Variants in F7 observed in about 807,000 individuals in gnomAD.
F7 encodes FVII coagulation protein.
In F7, 38 loss-of-function variants were observed where a neutral mutation model predicts 47.5. That is an observed-to-expected ratio of 0.80 (90% CI 0.62 to 1.05). The LOEUF is 1.05. F7 is among the 50% of genes least tolerant of loss of function. The pLI is 0.00. For synonymous variants in F7, 244 were observed against 258.5 expected, an observed-to-expected ratio of 0.94 and a Z score of 0.54; for missense variants, 575 against 605.4, an observed-to-expected ratio of 0.95 and a Z score of 0.53.
Position 113,113,746 on chromosome 13 carries a change from C to T in F7, c.226-6C>T, listed in dbSNP as rs771154432. The T allele has an allele frequency of 8.1e-6, 13 of 1,614,028 alleles. No homozygotes were observed. The African/African-American group carries it at 1.6e-4, about 20-fold the overall frequency. On this transcript the variant is annotated splice_polypyrimidine_tract_variant and splice_region_variant and intron_variant, in intron 2 of 7. Coordinates refer to ENST00000346342, the MANE Select transcript of F7 (RefSeq NM_019616.4). The surrounding 1 kb of genome is among the most constrained non-coding windows in gnomAD (Gnocchi z 4.1). ...TCTCACGAGGCTTGCTCTCTTGTTC[C>T]TTCAGAAGCTGTTCTGGATTTCTTA...
At position 113,118,827 on chromosome 13, in the gene F7, C is replaced by A. The variant is rs2036247664; in HGVS notation, c.1154C>A (p.Pro385Gln). 1 of 1,612,774 alleles carries A rather than the reference C, an allele frequency of 6.2e-7. No homozygotes were observed. Among genetic ancestry groups the A allele is most frequent in the African/African-American group, 1.3e-5 (1 of 74,942 alleles). Residue 385 changes from proline (P) to glutamine (Q), a missense_variant, in exon 8 of 8, where the codon CCA (proline) becomes CAA (glutamine). Transcript: ENST00000346342. ...KDSCKGDSGG[P>Q]HATHYRGTWY... is the part of the protein sequence containing the mutation. ...TCCTGCAAGGGGGACAGTGGAGGCC[C>A]ACATGCCACCCACTACCGGGGCACG...
intron 4 of F7, among the ~76,000 whole-genome samples, chr13:113,115,337 T>A (rs2036175061): frequency 6.6e-6 from 1 of 152,178 alleles, no homozygotes; most frequent in Admixed American, 6.5e-5. Flanking sequence ...GACTTTCACT[T>A]TCCCCCAGGC....
At position 113,110,757 on chromosome 13, in the gene F7, G is replaced by A; in HGVS notation, c.132G>A (p.Glu44=). Residue 44 remains glutamate (E), a synonymous_variant, in exon 2 of 8, where the codon GAG becomes GAA. Transcript: ENST00000346342. ...HRRRRANAFL[E]ELRPGSLERE... is the part of the protein sequence containing the mutation. ...GCCGGCGCGCCAACGCGTTCCTGGA[G>A]GAGCTGCGGCCGGGCTCCCTGGAGA... 1 of 1,549,494 alleles carries A rather than the reference G, an allele frequency of 6.5e-7. No homozygotes were observed. Among genetic ancestry groups the A allele is most frequent in the Non-Finnish European group, 8.7e-7 (1 of 1,146,826 alleles).
chr13:113,112,221 G>C (rs1006615447), intron 2 of F7, among the ~76,000 whole-genome samples: 3 of 115,240 alleles, frequency 2.6e-5, no homozygotes, highest in African/African-American at 3.6e-5. Flanking sequence ...ACACCTCACA[G>C]AGGTCACCTC....
chr13:113,110,074 C>G (rs2036059532), intron 1 of F7, among the ~76,000 whole-genome samples: 1 of 152,136 alleles, frequency 6.6e-6, no homozygotes, highest in Non-Finnish European at 1.5e-5. Flanking sequence ...AGGTCTGGAG[C>G]TCTCAGGGGT....
In F7 at chr13:113,105,794, C is replaced by A. The variant is rs549591993; in HGVS notation, c.-48C>A. On this transcript the variant is annotated 5_prime_UTR_variant, in exon 1 of 8. Coordinates refer to ENST00000346342, the MANE Select transcript of F7 (RefSeq NM_019616.4). The stretch of plus-strand genomic sequence containing the variant: ...GAGGCAGAGAACTTTGCCCGTCAGT[C>A]CCATGGGGAATGTCAACAGGCAGGG... 206 of 1,558,572 alleles carry A rather than the reference C, an allele frequency of 1.3e-4. 5 individuals carry two copies. The South Asian group carries it at 2.4e-3, about 18-fold the overall frequency.
intron 6 of F7, 72 bp downstream of exon 6, chr13:113,116,947 C>G (rs1459460483): frequency 7.8e-7 from 1 of 1,274,180 alleles, no homozygotes; most frequent in South Asian, 1.2e-5. Flanking sequence ...AACAACAGCT[C>G]TGGAAGGGAA....
At position 113,119,071 on chromosome 13, in the gene F7, C is replaced by T; in HGVS notation, c.*63C>T. 2 of 1,488,778 alleles carry T rather than the reference C, an allele frequency of 1.3e-6. No homozygotes were observed. Among genetic ancestry groups the T allele is most frequent in the Non-Finnish European group, 1.8e-6 (2 of 1,087,046 alleles). The allele number at this position is 1,488,778 out of a possible 1,614,324, so 92.2% of individuals were successfully genotyped here. A position where few individuals can be genotyped will look rare whatever the true frequency, so the allele number is the denominator to read the frequency against. ...GCGTCGAACTGTCCTGGCACCAAAT[C>T]CCATATATTCTTCTGCAGTTAATGG... is the stretch of plus-strand genomic sequence containing the variant. On this transcript the variant is annotated 3_prime_UTR_variant, in exon 8 of 8. Coordinates refer to ENST00000346342, the MANE Select transcript of F7 (RefSeq NM_019616.4).
chr13:113,118,751 A>T lies in F7; in HGVS notation c.1078A>T (p.Asn360Tyr). The change falls in exon 8 of 8, where the codon AAT becomes TAT. Residue 360 changes from asparagine (N) to tyrosine (Y), a missense_variant. By Grantham distance (143) the Asn-to-Tyr change is moderately radical (BLOSUM62 -2). Transcript: ENST00000346342. ...QQSRKVGDSPNITEYMFCAGY... is the reference protein window; with the variant it reads ...QQSRKVGDSPYITEYMFCAGY... ...GTCACGGAAGGTGGGAGACTCCCCA[A>T]ATATCACGGAGTACATGTTCTGTGC... is the stretch of plus-strand genomic sequence containing the variant. 1 of 1,613,122 alleles carries T rather than the reference A, an allele frequency of 6.2e-7. No homozygotes were observed. The highest frequency in any genetic ancestry group is 8.5e-7 in the Non-Finnish European group (1 of 1,179,950).
At position 113,119,635 on chromosome 13, in the gene F7, A is replaced by G. The variant is rs561457617; in HGVS notation, c.*627A>G. ...CACGCACATGCCAATGCACGCACACATCAGTGCACACGGATGCACAGAGAT... is the reference window on the plus strand; with the variant it reads ...CACGCACATGCCAATGCACGCACACGTCAGTGCACACGGATGCACAGAGAT... On this transcript the variant is annotated 3_prime_UTR_variant, in exon 8 of 8. Coordinates refer to ENST00000346342, the MANE Select transcript of F7 (RefSeq NM_019616.4). The G allele has an allele frequency of 9.8e-5, 16 of 163,804 alleles. No individual in the cohort carries two copies. The highest frequency in any genetic ancestry group is 1.7e-4 in the Non-Finnish European group (13 of 75,490). 10.1% of individuals were successfully genotyped at this position (163,804 alleles called of 1,614,324 possible).
intron 2 of F7, 116 bp downstream of exon 2, chr13:113,110,966 G>A (rs1268727723): frequency 1.6e-6 from 2 of 1,230,662 alleles, no homozygotes; most frequent in Non-Finnish European, 2.2e-6. Context: ...ACACGCAGCG[G>A]CGCCCGCGCG....
intron 1 of F7, among the ~76,000 whole-genome samples, chr13:113,108,786 A>T (rs866910330): frequency 9.3e-5 from 2 of 21,588 alleles, no homozygotes; most frequent in African/African-American, 3.2e-4. Flanking sequence ...TGGGTGTCCC[A>T]GGGGTGTGGG....
In F7 at chr13:113,106,739, G is replaced by A. The variant is rs567771391; in HGVS notation, c.64+834G>A. 2.2e-5 allele frequency: 24 copies of A among 1,084,096 alleles called. No homozygotes were observed. In the Admixed American group the frequency reaches 4.9e-4, roughly 22 times the overall value. 67.2% of individuals were successfully genotyped at this position (1,084,096 alleles called of 1,614,324 possible). ...TAGTGGGGCGTGGGGATGGCGTGTG[G>A]GGATGGCGAGTGGGGGGTGGGCTGT... On this transcript the variant is annotated intron_variant, in intron 1 of 7. Transcript: ENST00000346342.
intron 1 of F7, among the ~76,000 whole-genome samples, chr13:113,107,275 G>A (rs1360448961): frequency 3.1e-5 from 2 of 65,072 alleles, no homozygotes; most frequent in African/African-American, 5.3e-5. Context: ...TGTCCCGGGG[G>A]CGTGGGTGTC....
chr13:113,117,736 C>T (rs1437081822), intron 7 of F7, 140 bp downstream of exon 7: 4 of 1,498,254 alleles, frequency 2.7e-6, no homozygotes, highest in Non-Finnish European at 3.6e-6. Flanking sequence ...TGTCCGACCG[C>T]GGTGCTGGGT....
rs2774033 is a variant in F7 at position 113,110,921 on chromosome 13, G to A, written c.225+71G>A. On this transcript the variant is annotated intron_variant, in intron 2 of 7. Coordinates refer to ENST00000346342, the MANE Select transcript of F7 (RefSeq NM_019616.4). ...GCGGTGAACCAGGCCGCGTGGGGCC[G>A]CCTGCGTCTCTTTGGCTGCGGCTGT... is the stretch of plus-strand genomic sequence containing the variant. 172,282 of 1,503,844 alleles carry A rather than the reference G, an allele frequency of 0.11. 11,292 individuals carry two copies. Among genetic ancestry groups the A allele is most frequent in the South Asian group, 0.25 (20,385 of 80,902 alleles). 93.2% of individuals were successfully genotyped at this position (1,503,844 alleles called of 1,614,324 possible).
At chr13:113,116,981 C>A in intron 6 of F7, 106 bp downstream of exon 6, 1 of 908,524 alleles carries the variant, frequency 1.1e-6, no homozygotes, top group East Asian at 2.5e-5. Context: ...GCCCCAAGCC[C>A]ACCAGGCTCC....
chr13:113,115,557 T>G, intron 4 of F7, 103 bp from the exon 5 acceptor site: 1 of 1,348,790 alleles, frequency 7.4e-7, no homozygotes, highest in Non-Finnish European at 1.0e-6. Flanking sequence ...AGTGCCACCT[T>G]CCAGGCAGAA....
At position 113,110,679 on chromosome 13, in the gene F7, G is replaced by C. The variant is rs1049777431; in HGVS notation, c.65-11G>C. On this transcript the variant is annotated splice_polypyrimidine_tract_variant and intron_variant, in intron 1 of 7. Coordinates refer to ENST00000346342, the MANE Select transcript of F7 (RefSeq NM_019616.4). ...ACGCGGTGGGCGCTTCACGGAACTCGCATTTCCCAGTCTTCGTAACCCAGG... is the reference window on the plus strand; with the variant it reads ...ACGCGGTGGGCGCTTCACGGAACTCCCATTTCCCAGTCTTCGTAACCCAGG... 1.3e-6 allele frequency: 2 copies of C among 1,547,880 alleles called. No homozygotes were observed. Among genetic ancestry groups the C allele is most frequent in the African/African-American group, 2.7e-5 (2 of 72,936 alleles).
Sources: gnomAD v4.1 joint callset for allele counts (sites outside exome capture counted in the v4.1 genomes callset) on GRCh38, gnomAD v4.1.1 for gene constraint, Gnocchi (gnomAD v3.1) non-coding constraint, MANE v1.5 for transcripts, NCBI Gene and HGNC (gene_info 2026-07-23, HGNC 2026-07-21) for gene names.